CSMD1: variants seen among roughly 807,000 people sequenced by gnomAD.
CSMD1 encodes the protein CUB and sushi domain-containing protein 1.
A neutral mutation model predicts 417.5 loss-of-function variants in CSMD1; 213 were observed. That is an observed-to-expected ratio of 0.51 (90% CI 0.46 to 0.57). The LOEUF is 0.57. Among genes scored for constraint, CSMD1 ranks in the 20% least tolerant of loss-of-function variants. CSMD1 has a pLI of 0.00. For missense variants in CSMD1, 6,923 were observed against 4,529.7 expected (o/e 1.53, Z -15.17); for synonymous variants, 2,862 against 1,736.8 (o/e 1.65, Z -16.11).
intron 2 of CSMD1, among the ~76,000 whole-genome samples, chr8:4,585,629 G>C (rs1799661369): frequency 6.6e-6 from 1 of 152,086 alleles, no homozygotes; most frequent in African/African-American, 2.4e-5. Context: ...ATAGAAAAAG[G>C]ACTGGCAAAG....
chr8:4,731,369 C>T (rs1172345290), intron 1 of CSMD1, among the ~76,000 whole-genome samples: 2 of 152,138 alleles, frequency 1.3e-5, no homozygotes, highest in Non-Finnish European at 2.9e-5. Flanking sequence ...GAGCAAGCTG[C>T]ATGTGACACA....
intron 3 of CSMD1, among the ~76,000 whole-genome samples, chr8:4,343,148 A>C (rs1275790580): frequency 6.6e-6 from 1 of 152,152 alleles, no homozygotes; most frequent in Non-Finnish European, 1.5e-5. Context: ...TGCCACATGA[A>C]ATGGGCAATG....
intron 1 of CSMD1, among the ~76,000 whole-genome samples, chr8:4,840,108 A>G (rs17071667): frequency 0.058 from 8,809 of 152,256 alleles, 289 homozygotes; most frequent in African/African-American, 0.084. Context: ...CCACTCACTT[A>G]GACTCCACGG....
chr8:4,114,787 C>G (rs541392091), intron 3 of CSMD1, among the ~76,000 whole-genome samples: 43 of 152,218 alleles, frequency 2.8e-4, no homozygotes, highest in African/African-American at 1.0e-3. Context: ...GCAGAGGTAC[C>G]TGCAGATGTG....
At chr8:4,478,613 G>C (rs1725117) in intron 2 of CSMD1, among the ~76,000 whole-genome samples, 2,080 of 152,256 alleles carry the variant, frequency 0.014, 40 homozygotes, top group African/African-American at 0.048. Context: ...ATTATTGGCA[G>C]GGCGTTATAA....
intron 49 of CSMD1, among the ~76,000 whole-genome samples, chr8:3,054,532 T>G (rs920915209): frequency 6.6e-6 from 1 of 152,178 alleles, no homozygotes; most frequent in Admixed American, 6.5e-5. Flanking sequence ...GTGGATGGAC[T>G]GCTTAAGCCC....
intron 5 of CSMD1, among the ~76,000 whole-genome samples, chr8:3,808,008 C>T (rs568892419): frequency 3.9e-5 from 6 of 152,144 alleles, no homozygotes; most frequent in African/African-American, 1.2e-4. Flanking sequence ...GCTTTAAAGT[C>T]GTCTCATTCT....
At chr8:3,123,377 C>G (rs1310703372) in intron 41 of CSMD1, among the ~76,000 whole-genome samples, 2 of 152,324 alleles carry the variant, frequency 1.3e-5, no homozygotes, top group East Asian at 3.9e-4. Context: ...GGAATGCCTC[C>G]TCCCAATACT....
At chr8:4,933,941 A>C (rs1266605283) in intron 1 of CSMD1, among the ~76,000 whole-genome samples, 1 of 152,188 alleles carries the variant, frequency 6.6e-6, no homozygotes, top group African/African-American at 2.4e-5. Flanking sequence ...GCAGAATCAC[A>C]ATGTATTCAT....
At chr8:2,966,511 TCCCAA>T in intron 58 of CSMD1, 54 bp downstream of exon 58, 4 of 1,496,406 alleles carry the variant, frequency 2.7e-6, no homozygotes, top group Admixed American at 1.9e-5. Context: ...TCATTTTTTT[TCCCAA>T]TGGAGTGAAT....
intron 38 of CSMD1, among the ~76,000 whole-genome samples, chr8:3,160,923 G>A (rs569685162): frequency 4.7e-4 from 72 of 152,274 alleles, no homozygotes; most frequent in African/African-American, 1.7e-3. Context: ...TTACCCCAAT[G>A]TACATGCAGA....
intron 3 of CSMD1, among the ~76,000 whole-genome samples, chr8:4,204,449 A>G (rs1054572968): frequency 6.6e-6 from 1 of 152,178 alleles, no homozygotes; most frequent in African/African-American, 2.4e-5. Context: ...CTTTTCCTTC[A>G]TGAACACCTG....
chr8:4,306,400 A>C (rs1798249167), intron 3 of CSMD1, among the ~76,000 whole-genome samples: 1 of 63,930 alleles, frequency 1.6e-5, no homozygotes, highest in Non-Finnish European at 3.1e-5. Flanking sequence ...AAAAACCTAC[A>C]GAACAAAAAA....
At chr8:4,431,624 AACAG>A (rs1797876915) in intron 2 of CSMD1, among the ~76,000 whole-genome samples, 1 of 152,178 alleles carries the variant, frequency 6.6e-6, no homozygotes, top group Non-Finnish European at 1.5e-5. Flanking sequence ...CAAAACGAAA[AACAG>A]ACAAACAAAA....
chr8:3,663,286 G>C (rs370067828), intron 7 of CSMD1, among the ~76,000 whole-genome samples: 1 of 152,260 alleles, frequency 6.6e-6, no homozygotes, highest in East Asian at 1.9e-4. Flanking sequence ...GACAGACAGG[G>C]GTGGGATGTG....
At position 3,201,545 on chromosome 8, in the gene CSMD1, G is replaced by A. The variant is rs1477799225; in HGVS notation, c.5098+67C>T. 5 of 774,964 alleles carry A rather than the reference G, an allele frequency of 6.5e-6. No individual in the cohort carries two copies. In the African/African-American group the frequency reaches 7.1e-5, roughly 11 times the overall value. 48.0% of individuals were successfully genotyped at this position (774,964 alleles called of 1,614,324 possible). The stretch of plus-strand genomic sequence containing the variant: ...TCATCAAAACAAAGCAAAAGAAACA[G>A]ACAAGTTAAAAATTAATCCCCCTAG... On this transcript the variant is annotated intron_variant, in intron 32 of 69. Coordinates refer to ENST00000635120, the MANE Select transcript of CSMD1 (RefSeq NM_033225.6).
chr8:4,270,749 G>A (rs532309729), intron 3 of CSMD1, among the ~76,000 whole-genome samples: 9 of 152,282 alleles, frequency 5.9e-5, no homozygotes, highest in Middle Eastern at 3.4e-3. Context: ...TGAGGACAGT[G>A]CTACTCATCA....
At chr8:4,022,855 G>C (rs922829709) in intron 4 of CSMD1, among the ~76,000 whole-genome samples, 3 of 152,192 alleles carry the variant, frequency 2.0e-5, no homozygotes, top group South Asian at 2.1e-4. Context: ...AGTTCATTCG[G>C]AGCAAGAATT....
intron 6 of CSMD1, among the ~76,000 whole-genome samples, chr8:3,722,994 C>T (rs1011079518): frequency 1.6e-4 from 25 of 152,222 alleles, no homozygotes; most frequent in African/African-American, 5.8e-4. Context: ...TTTCCCAATT[C>T]TGCAGGTGAA....
Sources: gnomAD v4.1 joint callset for allele counts (sites outside exome capture counted in the v4.1 genomes callset) on GRCh38, gnomAD v4.1.1 for gene constraint, MANE v1.5 for transcripts, NCBI Gene and HGNC (gene_info 2026-07-23, HGNC 2026-07-21) for gene names.